ITIH2: variants seen among roughly 807,000 people sequenced by gnomAD.
ITIH2 encodes the protein inter-alpha-trypsin inhibitor heavy chain 2.
A neutral mutation model predicts 104.4 loss-of-function variants in ITIH2; 103 were observed. The ratio of observed to expected loss-of-function variants is 0.99; its 90% CI spans 0.84 to 1.16. The LOEUF (loss-of-function observed/expected upper bound fraction) is 1.16. Among genes scored for constraint, ITIH2 ranks in the 50% most tolerant of loss-of-function variants. The probability of loss-of-function intolerance (pLI) is 0.00; values close to 1 mark genes in which losing one functional copy is unlikely to be tolerated. For missense variants in ITIH2, 1,108 were observed against 1,162.4 expected, an observed-to-expected ratio of 0.95 and a Z score of 0.68; for synonymous variants, 436 against 435.4, an observed-to-expected ratio of 1.00 and a Z score of -0.02.
chr10:7,731,693 C>T (rs1382491024), intron 12 of ITIH2, 118 bp from the exon 13 acceptor site: 7 of 727,282 alleles, frequency 9.6e-6, no homozygotes, highest in South Asian at 2.4e-5. Context: ...CCACTGCACT[C>T]CAGCCTGGGC....
rs1292006514 is a variant in ITIH2, at chr10:7,720,856, G to A, written c.631G>A (p.Val211Ile). 9.5e-6 allele frequency: 15 copies of A among 1,586,360 alleles called. No individual in the cohort carries two copies. Among genetic ancestry groups the A allele is most frequent in the Middle Eastern group, 1.7e-4 (1 of 6,012 alleles). ...GGGTAATTTTCTCTTGCATCTCTAGGTAGATGTGTGGGTTATCGAACCACA... is the reference window on the plus strand; with the variant it reads ...GGGTAATTTTCTCTTGCATCTCTAGATAGATGTGTGGGTTATCGAACCACA... The part of the protein sequence containing the change: ...QPGRLAKHLE[V>I]DVWVIEPQGL... The change falls in exon 7 of 21, where the codon GTA (valine) becomes ATA (isoleucine). Residue 211 changes from valine to isoleucine, a missense_variant and splice_region_variant. Physicochemically the swap from Val to Ile is conservative, Grantham distance 29. Coordinates refer to ENST00000358415, the MANE Select transcript of ITIH2 (RefSeq NM_002216.3).
intron 4 of ITIH2, among the ~76,000 whole-genome samples, chr10:7,712,090 AC>A (rs1468901516): frequency 6.6e-6 from 1 of 151,894 alleles, no homozygotes; most frequent in Admixed American, 6.6e-5. Flanking sequence ...ATTCTTTTCC[AC>A]CCTTGCAGAG....
chr10:7,713,145 A>G, intron 4 of ITIH2, 36 bp from the exon 5 acceptor site: 1 of 1,521,104 alleles, frequency 6.6e-7, no homozygotes, highest in Non-Finnish European at 9.1e-7. Flanking sequence ...AAAGATTACT[A>G]TTCTGACCAA....
intron 1 of ITIH2, 51 bp from the exon 2 acceptor site, chr10:7,705,057 A>T: frequency 8.2e-7 from 1 of 1,223,186 alleles, no homozygotes; most frequent in African/African-American, 1.5e-5. Flanking sequence ...GTACCCCAGA[A>T]CTTACAGTAT....
chr10:7,737,406 C>CATATATATATATATAT (rs375717121), intron 15 of ITIH2, among the ~76,000 whole-genome samples: 178 of 121,682 alleles, frequency 1.5e-3, no homozygotes, highest in Non-Finnish European at 2.0e-3. Flanking sequence ...GTATATATCT[C>CATATATATATATATAT]ATATATATAT....
At chr10:7,743,542 G>A (rs1289976413) in intron 17 of ITIH2, among the ~76,000 whole-genome samples, 1 of 152,110 alleles carries the variant, frequency 6.6e-6, no homozygotes, top group African/African-American at 2.4e-5. Flanking sequence ...GGGAGGCCGA[G>A]GTGGGCGGAT....
At position 7,734,902 on chromosome 10, in the gene ITIH2, C is replaced by T. The variant is rs1000284414; in HGVS notation, c.1788-20C>T. ...TCCAATGCAGCCATGCTCCATAACACCTCTACTTCTTGAATACAGAAGCCT... is the reference window on the plus strand; with the variant it reads ...TCCAATGCAGCCATGCTCCATAACATCTCTACTTCTTGAATACAGAAGCCT... On this transcript the variant is annotated intron_variant, in intron 14 of 20. Transcript: ENST00000358415. 6.2e-7 allele frequency: 1 copy of T among 1,601,232 alleles called. No individual in the cohort carries two copies. The highest frequency in any genetic ancestry group is 1.7e-5 in the Admixed American group (1 of 59,810).
rs575464392 is a variant in ITIH2 at position 7,715,803 on chromosome 10, G to A, written c.468-1823G>A. The stretch of plus-strand genomic sequence containing the variant: ...CCTGGATAGAGTGAAGTGCAGTGGC[G>A]TGATCTCGCTCACTGCAACATCCAC... On this transcript the variant is annotated intron_variant, in intron 5 of 20. Coordinates refer to ENST00000358415, the MANE Select transcript of ITIH2 (RefSeq NM_002216.3). Among the ~76,000 whole-genome samples, 17 of 152,222 alleles carry A rather than the reference G, an allele frequency of 1.1e-4. 1 individual carries two copies. In the East Asian group the frequency reaches 1.7e-3, roughly 16 times the overall value.
Position 7,749,337 on chromosome 10 carries a change from G to T in ITIH2, c.*3G>T. 1 of 1,612,290 alleles carries T rather than the reference G, an allele frequency of 6.2e-7. No homozygotes were observed. The highest frequency in any genetic ancestry group is 8.5e-7 in the Non-Finnish European group (1 of 1,178,892). ...ACAGCTTTCTCAAACGGCCTTAAAG[G>T]TTTATAGTTTGGGAAATTATATATA... On this transcript the variant is annotated 3_prime_UTR_variant, in exon 21 of 21. Coordinates refer to ENST00000358415, the MANE Select transcript of ITIH2 (RefSeq NM_002216.3).
At position 7,717,771 on chromosome 10, in the gene ITIH2, C is replaced by T. The variant is rs528472464; in HGVS notation, c.613C>T (p.Leu205=). 106 of 1,610,902 alleles carry T rather than the reference C, an allele frequency of 6.6e-5. 3 individuals are homozygous for T. The South Asian group carries it at 1.1e-3, about 16-fold the overall frequency. Residue 205 remains leucine (L), a synonymous_variant, in exon 6 of 21, where the codon CTG becomes TTG. Transcript: ENST00000358415. The part of the protein sequence containing the change: ...EHRIYLQPGR[L]AKHLEVDVWV... ...CAGGATCTATCTGCAACCTGGACGGCTGGCCAAACACTTAGAGGTAAGCCT... is the reference window on the plus strand; with the variant it reads ...CAGGATCTATCTGCAACCTGGACGGTTGGCCAAACACTTAGAGGTAAGCCT...
intron 9 of ITIH2, 107 bp downstream of exon 9, chr10:7,723,674 C>T: frequency 2.6e-6 from 2 of 774,138 alleles, no homozygotes; most frequent in Non-Finnish European, 4.5e-6. Flanking sequence ...GGCTGAAGCT[C>T]AGGGACTGTG....
chr10:7,722,639 C>G (rs1216980092), intron 8 of ITIH2, among the ~76,000 whole-genome samples: 1 of 152,162 alleles, frequency 6.6e-6, no homozygotes, highest in Non-Finnish European at 1.5e-5. Context: ...CTGTCTGGAA[C>G]TCTCTTCCCC....
intron 5 of ITIH2, among the ~76,000 whole-genome samples, chr10:7,716,398 A>G (rs1328699258): frequency 6.6e-6 from 1 of 152,208 alleles, no homozygotes; most frequent in Admixed American, 6.5e-5. Context: ...CAATGATCAC[A>G]TTGAACTCAG....
chr10:7,716,735 CAAAAAAA>C (rs61703360), intron 5 of ITIH2, among the ~76,000 whole-genome samples: 12 of 58,780 alleles, frequency 2.0e-4, no homozygotes, highest in South Asian at 7.4e-4. Flanking sequence ...GACCCCAGCT[CAAAAAAA>C]AAAAAAAAAA....
At chr10:7,722,469 G>GA (rs1275988190) in intron 8 of ITIH2, among the ~76,000 whole-genome samples, 1 of 152,186 alleles carries the variant, frequency 6.6e-6, no homozygotes, top group Non-Finnish European at 1.5e-5. Context: ...TTAACTTCAA[G>GA]AAAAATCCAA....
chr10:7,704,216 A>C (rs1169047285), intron 1 of ITIH2, among the ~76,000 whole-genome samples: 1 of 152,266 alleles, frequency 6.6e-6, no homozygotes, highest in African/African-American at 2.4e-5. Context: ...GGAACATCCC[A>C]GCAAATGCAA....
intron 20 of ITIH2, among the ~76,000 whole-genome samples, chr10:7,747,545 G>A (rs1401244477): frequency 6.6e-6 from 1 of 152,100 alleles, no homozygotes; most frequent in Non-Finnish European, 1.5e-5. Flanking sequence ...AGAAGCAATG[G>A]TGAGCACAAA....
intron 20 of ITIH2, 111 bp downstream of exon 20, chr10:7,746,815 C>T: frequency 1.5e-6 from 1 of 657,824 alleles, no homozygotes; most frequent in South Asian, 1.8e-5. Flanking sequence ...CTACATCACA[C>T]TAAGCAGTTC....
chr10:7,706,558 T>C (rs932493888), intron 2 of ITIH2, among the ~76,000 whole-genome samples: 12 of 152,202 alleles, frequency 7.9e-5, no homozygotes, highest in Non-Finnish European at 4.4e-5. Flanking sequence ...CCTGCTTTTA[T>C]GTAGCTTAGT....
Sources: gnomAD v4.1 joint callset for allele counts (sites outside exome capture counted in the v4.1 genomes callset) on GRCh38, gnomAD v4.1.1 for gene constraint, MANE v1.5 for transcripts, NCBI Gene and HGNC (gene_info 2026-07-23, HGNC 2026-07-21) for gene names.